Variants in DNAH14 observed in about 807,000 individuals in gnomAD.
DNAH14 encodes the protein dynein axonemal heavy chain 14.
DNAH14 carries 478 observed loss-of-function variants against 520.9 expected under a neutral mutation model. The ratio of observed to expected loss-of-function variants is 0.92; its 90% CI spans 0.85 to 0.99. The LOEUF (loss-of-function observed/expected upper bound fraction) is 0.99. Among genes scored for constraint, DNAH14 ranks in the 50% least tolerant of loss-of-function variants. DNAH14 has a pLI of 0.00. For synonymous variants in DNAH14, 1,581 were observed against 1,757.2 expected (o/e 0.90, Z 2.51); for missense variants, 4,831 against 5,234.5 (o/e 0.92, Z 2.38).
chr1:225,110,189 G>A (rs1038883601), intron 23 of DNAH14, among the ~76,000 whole-genome samples: 2 of 151,824 alleles, frequency 1.3e-5, no homozygotes, highest in Admixed American at 6.6e-5. Context: ...GGGTAATACC[G>A]GCATCACAGA....
intron 41 of DNAH14, among the ~76,000 whole-genome samples, chr1:225,228,040 G>A (rs537791363): frequency 4.2e-4 from 64 of 152,240 alleles, no homozygotes; most frequent in African/African-American, 1.5e-3. Flanking sequence ...ATTCCTACCA[G>A]TCAATTTGAC....
intron 66 of DNAH14, 46 bp downstream of exon 66, chr1:225,333,552 A>G (rs2150299514): frequency 4.7e-6 from 7 of 1,488,750 alleles, no homozygotes; most frequent in African/African-American, 4.2e-5. Flanking sequence ...ATTATTGTTT[A>G]TTTGGATTTT....
intron 43 of DNAH14, among the ~76,000 whole-genome samples, chr1:225,251,620 G>C (rs1352254964): frequency 6.6e-6 from 1 of 152,020 alleles, no homozygotes; most frequent in Non-Finnish European, 1.5e-5. Context: ...TTACCATTAA[G>C]AGAATAACAA....
At chr1:225,311,047 A>C (rs970274482) in intron 60 of DNAH14, among the ~76,000 whole-genome samples, 3 of 152,162 alleles carry the variant, frequency 2.0e-5, no homozygotes, top group Admixed American at 6.5e-5. Context: ...TGGTTGAACT[A>C]ATTTGCACTC....
chr1:225,186,400 G>A (rs528695510), intron 37 of DNAH14, among the ~76,000 whole-genome samples: 9 of 151,732 alleles, frequency 5.9e-5, no homozygotes, highest in Non-Finnish European at 1.2e-4. Flanking sequence ...TAACTAATAT[G>A]TATGGACTAC....
chr1:225,371,084 G>A (rs565334849), intron 77 of DNAH14, among the ~76,000 whole-genome samples: 2 of 152,050 alleles, frequency 1.3e-5, no homozygotes. Context: ...ATATATTCTA[G>A]ACCTTAGTAA....
At chr1:225,368,876 T>C (rs1267551808) in intron 77 of DNAH14, among the ~76,000 whole-genome samples, 2 of 152,224 alleles carry the variant, frequency 1.3e-5, no homozygotes, top group African/African-American at 4.8e-5. Context: ...GTAATACTTC[T>C]GTACCTAACC....
chr1:225,311,013 G>A (rs552753666), intron 60 of DNAH14, among the ~76,000 whole-genome samples: 2 of 152,250 alleles, frequency 1.3e-5, no homozygotes, highest in South Asian at 4.1e-4. Context: ...GATCCTTAAG[G>A]AATTCCCACA....
chr1:225,219,690 C>A (rs1273427742), intron 41 of DNAH14, among the ~76,000 whole-genome samples: 1 of 151,974 alleles, frequency 6.6e-6, no homozygotes. Flanking sequence ...AAAAAAAGCC[C>A]AGGACCAGAC....
At chr1:225,320,005 C>T (rs902545786) in intron 61 of DNAH14, among the ~76,000 whole-genome samples, 1 of 152,206 alleles carries the variant, frequency 6.6e-6, no homozygotes, top group East Asian at 1.9e-4. Flanking sequence ...TTCCCCAACA[C>T]AGCCCCTCAT....
intron 43 of DNAH14, among the ~76,000 whole-genome samples, chr1:225,247,402 T>A (rs959804710): frequency 2.0e-5 from 3 of 151,742 alleles, no homozygotes; most frequent in Non-Finnish European, 4.4e-5. Context: ...ATAAAAAAAA[T>A]AAGTAAATAA....
chr1:225,337,323 A>G lies in DNAH14; in HGVS notation c.10138A>G (p.Ile3380Val). 6.4e-7 allele frequency: 1 copy of G among 1,551,842 alleles called. No homozygotes were observed. Among genetic ancestry groups the G allele is most frequent in the Non-Finnish European group, 8.7e-7 (1 of 1,146,994 alleles). Residue 3380 changes from isoleucine (I) to valine (V), a missense_variant, in exon 67 of 86, where the codon ATC (isoleucine) becomes GTC (valine). Physicochemically the swap from Ile to Val is conservative, Grantham distance 29. Transcript: ENST00000682510. ...PHGQYSVENA[I>V]LIKNGQQWPL... ...TGGTCAGTATTCAGTAGAGAATGCC[A>G]TCTTGATCAAGAATGGCCAGCAGTG...
chr1:225,077,062 C>G (rs770943799), intron 17 of DNAH14, among the ~76,000 whole-genome samples: 12 of 152,140 alleles, frequency 7.9e-5, no homozygotes, highest in Non-Finnish European at 1.6e-4. Flanking sequence ...CATGTTCTCA[C>G]TCATAGGTGG....
chr1:225,077,363 C>G (rs1480146476), intron 17 of DNAH14, among the ~76,000 whole-genome samples: 1 of 151,966 alleles, frequency 6.6e-6, no homozygotes, highest in African/African-American at 2.4e-5. Context: ...TTTTACCATC[C>G]TTATCTGGTT....
chr1:225,189,894 T>C (rs1395014758), intron 37 of DNAH14, among the ~76,000 whole-genome samples: 1 of 152,016 alleles, frequency 6.6e-6, no homozygotes, highest in Non-Finnish European at 1.5e-5. Flanking sequence ...TTGATTTTTT[T>C]CTAGTGTAAC....
At chr1:225,017,802 G>A (rs1304657055) in intron 10 of DNAH14, among the ~76,000 whole-genome samples, 1 of 152,204 alleles carries the variant, frequency 6.6e-6, no homozygotes, top group East Asian at 1.9e-4. Context: ...CAGGAGTGTT[G>A]AAGTGAGAGT....
At chr1:225,174,715 GAAATGTGGTGAAAGTGAGC>G (rs1165046452) in intron 36 of DNAH14, among the ~76,000 whole-genome samples, 1 of 152,102 alleles carries the variant, frequency 6.6e-6, no homozygotes, top group African/African-American at 2.4e-5. Context: ...ACATATTGAG[GAAATGTGGTGAAAGTGAGC>G]ATCTTCATCT....
intron 13 of DNAH14, among the ~76,000 whole-genome samples, 196 bp from the exon 14 acceptor site, chr1:225,043,548 C>T (rs576143705): frequency 6.6e-6 from 1 of 152,152 alleles, no homozygotes; most frequent in African/African-American, 2.4e-5. Flanking sequence ...GGAACAACAT[C>T]TAGGATGTTT....
At chr1:225,311,907 A>G (rs1019185977) in intron 60 of DNAH14, among the ~76,000 whole-genome samples, 1 of 152,186 alleles carries the variant, frequency 6.6e-6, no homozygotes, top group Non-Finnish European at 1.5e-5. Flanking sequence ...CTTTTTGCTT[A>G]GGATTGTCTT....
Sources: allele counts gnomAD v4.1 joint callset (sites outside exome capture counted in the v4.1 genomes callset), GRCh38; gene constraint gnomAD v4.1.1; transcripts MANE v1.5; gene names NCBI Gene and HGNC (gene_info 2026-07-23, HGNC 2026-07-21).